The following PLB1 variants were observed in gnomAD, a reference collection of about 807,000 sequenced individuals.
PLB1 encodes phospholipase B1, membrane-associated.
A neutral mutation model predicts 227.4 loss-of-function variants in PLB1; 242 were observed. The observed-to-expected ratio is 1.06, with a 90% CI of 0.96 to 1.18. The LOEUF (loss-of-function observed/expected upper bound fraction) is 1.18, where lower values mean the gene tolerates loss of function less well. Among genes scored for constraint, PLB1 ranks in the 50% most tolerant of loss-of-function variants. The pLI is 0.00. For missense variants in PLB1, 1,858 were observed against 1,816.3 expected, an observed-to-expected ratio of 1.02 and a Z score of -0.42; for synonymous variants, 757 against 682.2, an observed-to-expected ratio of 1.11 and a Z score of -1.71.
intron 9 of PLB1, among the ~76,000 whole-genome samples, chr2:28,534,879 G>GA (rs34508702): frequency 0.77 from 116,265 of 151,532 alleles, 45,738 homozygotes; most frequent in Non-Finnish European, 0.86. Context: ...AAAAAGAAAA[G>GA]AAAAAAACAG....
rs186492838 is a variant in PLB1 at position 28,633,001 on chromosome 2, G to C, written c.4060G>C (p.Gly1354Arg). The C allele has an allele frequency of 6.2e-7, 1 of 1,609,146 alleles. No homozygotes were observed. Among genetic ancestry groups the C allele is most frequent in the East Asian group, 2.2e-5 (1 of 44,858 alleles). The change falls in exon 56 of 58, where the codon GGG becomes CGG. Residue 1354 changes from glycine to arginine, a missense_variant. By Grantham distance (125) the Gly-to-Arg change is moderately radical. Coordinates refer to ENST00000327757, the MANE Select transcript of PLB1 (RefSeq NM_153021.5). ...GGACTGTTTTCACTTCTCAGACCGC[G>C]GGCATGCCGAGATGGCCATCGCACT... is the stretch of plus-strand genomic sequence containing the variant. ...SEDCFHFSDR[G>R]HAEMAIALWN...
chr2:28,511,225 G>A (rs1489873140), intron 1 of PLB1, among the ~76,000 whole-genome samples: 4 of 151,862 alleles, frequency 2.6e-5, no homozygotes, highest in African/African-American at 9.7e-5. Context: ...TTATATTAGG[G>A]TTGGCAAACT....
At chr2:28,543,162 T>C in intron 13 of PLB1, 50 bp from the exon 14 acceptor site, 1 of 1,561,546 alleles carries the variant, frequency 6.4e-7, no homozygotes, top group Non-Finnish European at 8.7e-7. Flanking sequence ...GCAGGTCCGT[T>C]GCATTCCTGG....
At chr2:28,615,557 G>A (rs1202609777) in intron 44 of PLB1, among the ~76,000 whole-genome samples, 1 of 152,192 alleles carries the variant, frequency 6.6e-6, no homozygotes, top group African/African-American at 2.4e-5. Flanking sequence ...TGCTGGCTGC[G>A]GGTTATGCTG....
At chr2:28,605,977 C>T (rs141822022) in intron 42 of PLB1, 29 bp downstream of exon 42, 13 of 1,552,552 alleles carry the variant, frequency 8.4e-6, no homozygotes, top group Non-Finnish European at 1.2e-5. Context: ...TCCTTGTTCT[C>T]TGGGGTTCTA....
rs536476788 is a variant in PLB1 at position 28,554,489 on chromosome 2, C to CTTTTTTTTTTTTTTTTTTTTTTTTT, written c.1147+1503_1147+1527dup. On this transcript the variant is annotated intron_variant, in intron 17 of 57. Transcript: ENST00000327757. ...CTACAGGCATTATCACCACACCTGC[C>CTTTTTTTTTTTTTTTTTTTTTTTTT]TTTTTTTTTTTTTTTTTTTTTTTTT... Among the ~76,000 whole-genome samples the CTTTTTTTTTTTTTTTTTTTTTTTTT allele has an allele frequency of 4.6e-4, 39 of 85,448 alleles. 2 individuals carry two copies. The highest frequency in any genetic ancestry group is 1.9e-3 in the East Asian group (4 of 2,152). The allele number at this position is 85,448 out of a possible 152,430, so 56.1% of individuals were successfully genotyped here.
At chr2:28,530,890 A>T (rs1670924568) in intron 8 of PLB1, among the ~76,000 whole-genome samples, 1 of 152,266 alleles carries the variant, frequency 6.6e-6, no homozygotes, top group Non-Finnish European at 1.5e-5. Flanking sequence ...AGAATTTCTG[A>T]AATAATGATT....
intron 6 of PLB1, among the ~76,000 whole-genome samples, chr2:28,529,089 A>C (rs1007806543): frequency 1.3e-5 from 2 of 151,966 alleles, no homozygotes; most frequent in Non-Finnish European, 2.9e-5. Flanking sequence ...CTATGACCAC[A>C]GGTGAGCACC....
intron 21 of PLB1, among the ~76,000 whole-genome samples, chr2:28,575,004 T>C (rs914845334): frequency 6.6e-6 from 1 of 152,246 alleles, no homozygotes; most frequent in East Asian, 1.9e-4. Context: ...TTTCATGTAA[T>C]GACTTATTTT....
intron 1 of PLB1, among the ~76,000 whole-genome samples, chr2:28,504,776 T>G (rs1667470198): frequency 6.6e-6 from 1 of 152,092 alleles, no homozygotes; most frequent in African/African-American, 2.4e-5. Context: ...CAACAAAAAT[T>G]CATTTTGAAA....
intron 56 of PLB1, among the ~76,000 whole-genome samples, chr2:28,634,266 C>T (rs921897631): frequency 2.6e-5 from 4 of 152,168 alleles, no homozygotes; most frequent in East Asian, 1.9e-4. Flanking sequence ...GTTTGCCCCA[C>T]GATTTTTAAA....
intron 44 of PLB1, 143 bp downstream of exon 44, chr2:28,614,239 C>A: frequency 1.2e-6 from 1 of 836,940 alleles, no homozygotes; most frequent in Non-Finnish European, 2.0e-6. Flanking sequence ...ACAGAAAAGG[C>A]TCCCGGACCA....
In PLB1 at chr2:28,496,134, T is replaced by G; in HGVS notation, c.20T>G (p.Ile7Ser). 6.2e-7 allele frequency: 1 copy of G among 1,613,838 alleles called. No homozygotes were observed. Among genetic ancestry groups the G allele is most frequent in the Non-Finnish European group, 8.5e-7 (1 of 1,179,866 alleles). Residue 7 changes from isoleucine (I) to serine (S), a missense_variant, in exon 1 of 58, where the codon ATT becomes AGT. By Grantham distance (142) the Ile-to-Ser change is moderately radical. Coordinates refer to ENST00000327757, the MANE Select transcript of PLB1 (RefSeq NM_153021.5). Reference protein sequence around the residue: MGLRPGIFLLELLLLLG... With the variant: MGLRPGSFLLELLLLLG... Reference sequence around the variant, plus strand: ...TCTGGCATGGGGCTGCGGCCAGGCATTTTCCTCCTGGAGCTGCTGCTGCTT... The same window carrying G: ...TCTGGCATGGGGCTGCGGCCAGGCAGTTTCCTCCTGGAGCTGCTGCTGCTT...
At chr2:28,629,862 G>A (rs1688349438) in intron 53 of PLB1, among the ~76,000 whole-genome samples, 1 of 152,204 alleles carries the variant, frequency 6.6e-6, no homozygotes, top group Non-Finnish European at 1.5e-5. Context: ...TGTTCTGAGG[G>A]CAGAGGGCCT....
At chr2:28,571,170 C>A (rs1052063999) in intron 20 of PLB1, among the ~76,000 whole-genome samples, 5 of 152,090 alleles carry the variant, frequency 3.3e-5, no homozygotes, top group African/African-American at 9.7e-5. Flanking sequence ...AATTATAATT[C>A]TTTATACTAG....
In PLB1 at chr2:28,543,227, C is replaced by T. The variant is rs373198581; in HGVS notation, c.895C>T (p.Gln299Ter). 9 of 1,611,986 alleles carry T rather than the reference C, an allele frequency of 5.6e-6. No individual in the cohort carries two copies. In the South Asian group the frequency reaches 7.7e-5, roughly 14 times the overall value. ...PSLHSEDPRLQDSTTLAWHLW... is the reference protein window; with the variant it reads ...PSLHSEDPRL Reference sequence around the variant, plus strand: ...TCTCTTTTAGGAGGACCCCCGACTCCAGGATTCTACCACGCTGGCCTGGCA... The same window carrying T: ...TCTCTTTTAGGAGGACCCCCGACTCTAGGATTCTACCACGCTGGCCTGGCA... The change falls in exon 14 of 58, where the codon CAG (glutamine) becomes TAG (stop). Residue 299 changes from glutamine (Q) to a stop codon, truncating the protein, a stop_gained. Coordinates refer to ENST00000327757, the MANE Select transcript of PLB1 (RefSeq NM_153021.5). LOFTEE classifies it high-confidence loss of function.
Position 28,529,392 on chromosome 2 carries a change from C to G in PLB1, c.401C>G (p.Pro134Arg). ...PVCHTGKRVI[P>R]HDGAEDLWIQ... ...TGCCACACTGGAAAGAGAGTCATACCCCACGATGGTGCTGAGTAAGTTCCC... is the reference window on the plus strand; with the variant it reads ...TGCCACACTGGAAAGAGAGTCATACGCCACGATGGTGCTGAGTAAGTTCCC... The change falls in exon 7 of 58, where the codon CCC becomes CGC. Residue 134 changes from proline (P) to arginine (R), a missense_variant. Pro to Arg is a moderately radical substitution (Grantham distance 103). Transcript: ENST00000327757. The G allele has an allele frequency of 2.5e-6, 4 of 1,604,002 alleles. No individual in the cohort carries two copies. Among genetic ancestry groups the G allele is most frequent in the Non-Finnish European group, 3.4e-6 (4 of 1,170,800 alleles).
chr2:28,637,064 C>A (rs1689444948), intron 56 of PLB1, among the ~76,000 whole-genome samples: 1 of 152,100 alleles, frequency 6.6e-6, no homozygotes, highest in African/African-American at 2.4e-5. Context: ...GAGGCCGAGG[C>A]AGGCAGATCC....
rs560382655 is a variant in PLB1 at position 28,542,124 on chromosome 2, C to T, written c.879+313C>T. Among the ~76,000 whole-genome samples the T allele has an allele frequency of 3.4e-5, 4 of 118,398 alleles. No individual in the cohort carries two copies. The Admixed American group carries it at 3.6e-4, about 11-fold the overall frequency. 77.7% of individuals were successfully genotyped at this position (118,398 alleles called of 152,430 possible). A position where few individuals can be genotyped will look rare whatever the true frequency, so the allele number is the denominator to read the frequency against. On this transcript the variant is annotated intron_variant, in intron 13 of 57. Transcript: ENST00000327757. ...CTCCAGCCTGGGCAGTAGAACGAGA[C>T]TCAGTCTCAAAAAAAAAAAAAAAAA...
Sources: gnomAD v4.1 joint callset for allele counts (sites outside exome capture counted in the v4.1 genomes callset) on GRCh38, gnomAD v4.1.1 for gene constraint, MANE v1.5 for transcripts, NCBI Gene and HGNC (gene_info 2026-07-23, HGNC 2026-07-21) for gene names.